Variants in FAM78A observed in about 807,000 individuals in gnomAD.
FAM78A encodes the protein protein FAM78A.
FAM78A carries 12 observed loss-of-function variants against 22.6 expected under a neutral mutation model. The ratio of observed to expected loss-of-function variants is 0.53; its 90% CI spans 0.34 to 0.86. FAM78A has a LOEUF of 0.86. FAM78A is among the 40% of genes least tolerant of loss of function. The pLI, the probability that FAM78A is intolerant of heterozygous loss-of-function variation, is 0.02. For missense variants in FAM78A, 322 were observed against 396.1 expected (o/e 0.81, Z 1.59); for synonymous variants, 151 against 155.8 (o/e 0.97, Z 0.23).
chr9:131,269,990 T>C (rs1835396126), intron 1 of FAM78A, among the ~76,000 whole-genome samples: 2 of 147,968 alleles, frequency 1.4e-5, no homozygotes, highest in Admixed American at 6.7e-5. Flanking sequence ...AGGTCAGGAA[T>C]TTGAGACCAG....
intron 1 of FAM78A, chr9:131,264,727 T>A: frequency 2.3e-5 from 5 of 213,854 alleles, no homozygotes; most frequent in Non-Finnish European, 4.3e-5. Flanking sequence ...TTTTCTGACC[T>A]TTTTTTTTTT....
At chr9:131,278,114 C>A (rs2131201699), upstream of FAM78A, among the ~76,000 whole-genome samples, 1 of 151,078 alleles carries the variant, frequency 6.6e-6, no homozygotes, top group South Asian at 2.1e-4. Flanking sequence ...CCTCGCTCCC[C>A]GCACACAGCC....
At chr9:131,280,754 A>G (rs115097704), upstream of FAM78A, among the ~76,000 whole-genome samples, 718 of 152,348 alleles carry the variant, frequency 4.7e-3, 10 homozygotes, top group African/African-American at 0.017. Flanking sequence ...GGACCTGGGA[A>G]GTCTTTGGAA....
upstream of FAM78A, among the ~76,000 whole-genome samples, chr9:131,279,113 TG>T: frequency 6.6e-6 from 1 of 152,238 alleles, no homozygotes; most frequent in East Asian, 1.9e-4. Context: ...AATGAGGAGG[TG>T]GTCCCTTTCC....
In FAM78A at chr9:131,276,156, G is replaced by A; in HGVS notation, c.24C>T (p.Cys8=). Residue 8 remains cysteine, a synonymous_variant, in exon 1 of 2, where the codon TGC becomes TGT. Coordinates refer to ENST00000372271, the MANE Select transcript of FAM78A (RefSeq NM_033387.4). The surrounding 1 kb of genome is among the most constrained non-coding windows in gnomAD (Gnocchi z 4.3). MPGFFCD[C]WPSLEIRALL... The stretch of plus-strand genomic sequence containing the variant: ...GCGCTCTGATCTCCAGGGAAGGCCA[G>A]CAGTCACAGAAAAAACCAGGCATTG... The A allele has an allele frequency of 6.2e-7, 1 of 1,612,498 alleles. No individual in the cohort carries two copies. The highest frequency in any genetic ancestry group is 1.3e-5 in the African/African-American group (1 of 75,010).
upstream of FAM78A, among the ~76,000 whole-genome samples, chr9:131,280,802 T>C (rs1835537420): frequency 6.6e-6 from 1 of 152,224 alleles, no homozygotes; most frequent in Non-Finnish European, 1.5e-5. Context: ...GGCATCACCG[T>C]GAGCTGGGGC....
At chr9:131,277,161 T>C (rs995847080), upstream of FAM78A, among the ~76,000 whole-genome samples, 4 of 151,014 alleles carry the variant, frequency 2.6e-5, no homozygotes, top group East Asian at 2.0e-4. The surrounding 1 kb of genome is among the most constrained non-coding windows in gnomAD (Gnocchi z 8.4). Flanking sequence ...CAGCGAATAA[T>C]AGCCGCCCGT....
At position 131,261,371 on chromosome 9, in the gene FAM78A, TTCAC is replaced by T. The variant is rs1344636127; in HGVS notation, c.324-25_324-22del. ...TGGACCTGAGGACAAGGAAGGCCAG[TTCAC>T]TCACTCGGTCACTCAAGGAGGGCTT... On this transcript the variant is annotated intron_variant, in intron 1 of 1. Transcript: ENST00000372271. The surrounding 1 kb of genome is among the most constrained non-coding windows in gnomAD (Gnocchi z 7.1). 1.9e-6 allele frequency: 3 copies of T among 1,548,938 alleles called. No homozygotes were observed. Among genetic ancestry groups the T allele is most frequent in the African/African-American group, 1.4e-5 (1 of 73,216 alleles).
At chr9:131,273,190 G>A (rs2131194138) in intron 1 of FAM78A, among the ~76,000 whole-genome samples, 2 of 152,284 alleles carry the variant, frequency 1.3e-5, no homozygotes, top group Middle Eastern at 3.4e-3. Context: ...ACCCATACTG[G>A]CCTCTCGCTG....
intron 1 of FAM78A, among the ~76,000 whole-genome samples, chr9:131,269,243 C>G (rs774053177): frequency 2.6e-5 from 4 of 152,156 alleles, no homozygotes; most frequent in Admixed American, 6.5e-5. Context: ...GATATGTTCC[C>G]AACTTCAGTA....
chr9:131,269,087 A>G lies in FAM78A; in HGVS notation c.323+6770T>C. Among the ~76,000 whole-genome samples, 3 of 143,366 alleles carry G rather than the reference A, an allele frequency of 2.1e-5. No homozygotes were observed. The Admixed American group carries it at 2.1e-4, about 10-fold the overall frequency. 94.1% of individuals were successfully genotyped at this position (143,366 alleles called of 152,430 possible). On this transcript the variant is annotated intron_variant, in intron 1 of 1. Transcript: ENST00000372271. ...CTGCACTCCAGCCTGGGCGACAAGA[A>G]CAAAACTTCGTCTCAAAAAAAAAAA...
chr9:131,268,701 C>T lies in FAM78A; in HGVS notation c.323+7156G>A, dbSNP rs115912642. ...GGATCACAAGGTCAGGAGATCGAGA[C>T]AGAGACGGGTGAAACCCCGTCTCTA... On this transcript the variant is annotated intron_variant, in intron 1 of 1. Coordinates refer to ENST00000372271, the MANE Select transcript of FAM78A (RefSeq NM_033387.4). Among the ~76,000 whole-genome samples, 690 of 152,140 alleles carry T rather than the reference C, an allele frequency of 4.5e-3. 10 individuals carry two copies. Among genetic ancestry groups the T allele is most frequent in the African/African-American group, 0.015 (636 of 41,532 alleles).
chr9:131,279,280 T>G (rs150306867), upstream of FAM78A, among the ~76,000 whole-genome samples: 33 of 152,270 alleles, frequency 2.2e-4, no homozygotes, highest in Non-Finnish European at 4.4e-4. Context: ...CAGGAAGAAG[T>G]CTTCTCTGGC....
chr9:131,278,918 G>T (rs940735202), upstream of FAM78A, among the ~76,000 whole-genome samples: 2 of 152,264 alleles, frequency 1.3e-5, no homozygotes, highest in Admixed American at 6.5e-5. Flanking sequence ...GAGTGTGTGA[G>T]GGCAGGGCTG....
Position 131,276,142 on chromosome 9 carries a change from T to A in FAM78A, c.38A>T (p.Glu13Val). The change falls in exon 1 of 2, where the codon GAG becomes GTG. Residue 13 changes from glutamate to valine, a missense_variant. Coordinates refer to ENST00000372271, the MANE Select transcript of FAM78A (RefSeq NM_033387.4). This position sits in a 1 kb window ranked among gnomAD's most constrained non-coding sequence, Gnocchi z 4.3. ...GFFCDCWPSLEIRALLYAMGC... is the reference protein window; with the variant it reads ...GFFCDCWPSLVIRALLYAMGC... ...CATGGCATACAGGAGCGCTCTGATC[T>A]CCAGGGAAGGCCAGCAGTCACAGAA... 1 of 1,613,170 alleles carries A rather than the reference T, an allele frequency of 6.2e-7. No individual in the cohort carries two copies. Among genetic ancestry groups the A allele is most frequent in the Non-Finnish European group, 8.5e-7 (1 of 1,179,778 alleles).
chr9:131,277,554 CG>C (rs1024441377), upstream of FAM78A, among the ~76,000 whole-genome samples: 1 of 151,792 alleles, frequency 6.6e-6, no homozygotes, highest in Non-Finnish European at 1.5e-5. The surrounding 1 kb of genome is among the most constrained non-coding windows in gnomAD (Gnocchi z 8.4). Flanking sequence ...TCACCTGCCC[CG>C]GGGGCCACTC....
At position 131,272,758 on chromosome 9, in the gene FAM78A, C is replaced by A. The variant is rs571620010; in HGVS notation, c.323+3099G>T. 1.2e-4 allele frequency among the ~76,000 whole-genome samples: 18 copies of A among 152,102 alleles called. 1 individual carries two copies. The highest frequency in any genetic ancestry group is 3.9e-4 in the African/African-American group (16 of 41,490). On this transcript the variant is annotated intron_variant, in intron 1 of 1. Coordinates refer to ENST00000372271, the MANE Select transcript of FAM78A (RefSeq NM_033387.4). This position sits in a 1 kb window ranked among gnomAD's most constrained non-coding sequence, Gnocchi z 4.1. ...CCATCCTGGCCAACGCGGTGAAACC[C>A]CGTCTCTACTAAAAATATAAAAATT...
chr9:131,266,064 G>A (rs902344352), intron 1 of FAM78A, among the ~76,000 whole-genome samples: 4 of 152,082 alleles, frequency 2.6e-5, no homozygotes, highest in Non-Finnish European at 5.9e-5. Context: ...GGCTGGCAAC[G>A]GGGAGGCCTG....
At chr9:131,270,249 G>A (rs977607558) in intron 1 of FAM78A, 3 of 717,120 alleles carry the variant, frequency 4.2e-6, no homozygotes, top group Non-Finnish European at 7.8e-6. Flanking sequence ...TGCACATGTG[G>A]ACGGTAACAG....
Sources: allele counts gnomAD v4.1 joint callset (sites outside exome capture counted in the v4.1 genomes callset), GRCh38; gene constraint gnomAD v4.1.1; non-coding constraint Gnocchi (gnomAD v3.1); transcripts MANE v1.5; gene names NCBI Gene and HGNC (gene_info 2026-07-23, HGNC 2026-07-21).